The following MSRA variants were observed in gnomAD, a reference collection of about 807,000 sequenced individuals.
The protein encoded by MSRA is methionine sulfoxide reductase A.
A neutral mutation model predicts 31.3 loss-of-function variants in MSRA; 54 were observed. The ratio of observed to expected loss-of-function variants is 1.73; its 90% CI spans 1.39 to 2.17. The LOEUF is 2.17. MSRA is among the 30% of genes most tolerant of loss of function. The probability of loss-of-function intolerance (pLI) is 0.00; values close to 1 mark genes in which losing one functional copy is unlikely to be tolerated. For synonymous variants in MSRA, 169 were observed against 116.5 expected (o/e 1.45, Z -2.90); for missense variants, 507 against 300.9 (o/e 1.69, Z -5.07).
intron 5 of MSRA, among the ~76,000 whole-genome samples, chr8:10,405,778 C>T (rs993588664): frequency 3.9e-5 from 5 of 129,524 alleles, no homozygotes; most frequent in Non-Finnish European, 9.0e-5. Flanking sequence ...CACCTATGTG[C>T]TCACACATGT....
At chr8:10,230,976 G>T (rs113536795) in intron 2 of MSRA, among the ~76,000 whole-genome samples, 1 of 152,060 alleles carries the variant, frequency 6.6e-6, no homozygotes, top group Non-Finnish European at 1.5e-5. Context: ...GTAGAGATAG[G>T]GTTTCACCGT....
At chr8:10,318,332 A>C (rs1268358878) in intron 4 of MSRA, among the ~76,000 whole-genome samples, 1 of 152,170 alleles carries the variant, frequency 6.6e-6, no homozygotes, top group Admixed American at 6.5e-5. Context: ...AAATGATGGC[A>C]AAGACCTCGC....
intron 1 of MSRA, among the ~76,000 whole-genome samples, chr8:10,168,308 C>A (rs1411724706): frequency 6.6e-6 from 1 of 152,146 alleles, no homozygotes; most frequent in African/African-American, 2.4e-5. Context: ...TCCCAGTCTT[C>A]TAAACAGTAT....
At chr8:10,412,529 G>C (rs751402904) in intron 5 of MSRA, among the ~76,000 whole-genome samples, 13 of 152,134 alleles carry the variant, frequency 8.5e-5, no homozygotes, top group Non-Finnish European at 1.8e-4. Context: ...CAGAATCATG[G>C]GACAGGGGTT....
intron 1 of MSRA, among the ~76,000 whole-genome samples, chr8:10,119,568 A>G (rs1324843054): frequency 1.3e-5 from 2 of 152,224 alleles, no homozygotes; most frequent in Non-Finnish European, 2.9e-5. Context: ...TACCAAGATG[A>G]TTAAAGCACA....
In MSRA at chr8:10,328,878, CA is replaced by C. The variant is rs1326080123; in HGVS notation, c.543+8892del. Among the ~76,000 whole-genome samples the C allele has an allele frequency of 2.6e-5, 4 of 152,160 alleles. No homozygotes were observed. The East Asian group carries it at 7.7e-4, about 29-fold the overall frequency. On this transcript the variant is annotated intron_variant, in intron 5 of 5. Transcript: ENST00000317173. ...GATGGTTTTATACTTCTTTGTATTT[CA>C]AAGTTGATCCCTTCATGGACTCACT...
At chr8:10,110,759 A>G (rs1286504472) in intron 1 of MSRA, among the ~76,000 whole-genome samples, 1 of 152,114 alleles carries the variant, frequency 6.6e-6, no homozygotes, top group African/African-American at 2.4e-5. Flanking sequence ...TGGTGCTGCG[A>G]TCTTTCTATC....
Position 10,371,405 on chromosome 8 carries a change from C to G in MSRA, c.543+51416C>G, listed in dbSNP as rs568556870. Among the ~76,000 whole-genome samples, 17 of 152,232 alleles carry G rather than the reference C, an allele frequency of 1.1e-4. No homozygotes were observed. In the East Asian group the frequency reaches 2.9e-3, roughly 26 times the overall value. On this transcript the variant is annotated intron_variant, in intron 5 of 5. Transcript: ENST00000317173. The stretch of plus-strand genomic sequence containing the variant: ...GCGCCTCGTTCCGTAGCTTCCCTGA[C>G]CCCACATAGAACTCATGCAAGGTTG...
chr8:10,072,030 G>T (rs1797758422), intron 1 of MSRA, among the ~76,000 whole-genome samples: 1 of 151,776 alleles, frequency 6.6e-6, no homozygotes, highest in South Asian at 2.1e-4. Flanking sequence ...CTTTTGTACT[G>T]CAACTAAGGG....
chr8:10,275,313 G>A (rs935221973), intron 3 of MSRA, among the ~76,000 whole-genome samples: 2 of 152,162 alleles, frequency 1.3e-5, no homozygotes, highest in African/African-American at 4.8e-5. Context: ...AGCTCTCTAA[G>A]CAGAAGAGCT....
chr8:10,389,238 A>G (rs1806583281), intron 5 of MSRA, among the ~76,000 whole-genome samples: 1 of 152,162 alleles, frequency 6.6e-6, no homozygotes, highest in South Asian at 2.1e-4. Context: ...GTGACTTGAA[A>G]TAAGCTGTAG....
At chr8:10,127,149 G>C (rs1480300005) in intron 1 of MSRA, among the ~76,000 whole-genome samples, 1 of 152,154 alleles carries the variant, frequency 6.6e-6, no homozygotes, top group Non-Finnish European at 1.5e-5. Context: ...CCTCTCTGTA[G>C]GATATCTGTT....
intron 5 of MSRA, among the ~76,000 whole-genome samples, chr8:10,368,074 C>G (rs746234059): frequency 1.3e-5 from 2 of 152,066 alleles, no homozygotes; most frequent in Non-Finnish European, 2.9e-5. Context: ...AGTGTCCTGC[C>G]ACAGCAGAGC....
chr8:10,082,216 A>G lies in MSRA; in HGVS notation c.142+27558A>G, dbSNP rs1380939093. On this transcript the variant is annotated intron_variant, in intron 1 of 5. Coordinates refer to ENST00000317173, the MANE Select transcript of MSRA (RefSeq NM_012331.5). The stretch of plus-strand genomic sequence containing the variant: ...TGAAACCCTGCTGCTAAAAAATGAA[A>G]AAGCCAAACAAACGAAACAAAACAA... Among the ~76,000 whole-genome samples, 5 of 152,252 alleles carry G rather than the reference A, an allele frequency of 3.3e-5. No individual in the cohort carries two copies. The East Asian group carries it at 9.7e-4, about 30-fold the overall frequency.
At chr8:10,218,864 C>G (rs1810238809) in intron 2 of MSRA, among the ~76,000 whole-genome samples, 1 of 152,164 alleles carries the variant, frequency 6.6e-6, no homozygotes, top group Non-Finnish European at 1.5e-5. Flanking sequence ...AAAATAGAGC[C>G]ACAGTACAGA....
At chr8:10,335,394 A>G (rs1802977953) in intron 5 of MSRA, among the ~76,000 whole-genome samples, 2 of 151,670 alleles carry the variant, frequency 1.3e-5, no homozygotes, top group Non-Finnish European at 2.9e-5. Flanking sequence ...CCGTGGCTCC[A>G]AAGCCGCGAG....
chr8:10,121,347 A>G (rs936500608), intron 1 of MSRA, among the ~76,000 whole-genome samples: 1 of 152,208 alleles, frequency 6.6e-6, no homozygotes, highest in African/African-American at 2.4e-5. Context: ...CTGACCGTGC[A>G]TCCACCTGAG....
At chr8:10,422,223 C>T (rs954703454) in intron 5 of MSRA, among the ~76,000 whole-genome samples, 4 of 152,176 alleles carry the variant, frequency 2.6e-5, no homozygotes, top group African/African-American at 9.7e-5. Flanking sequence ...AAGGTAGGGC[C>T]TGCCATCAAC....
chr8:10,175,869 A>T (rs1047892070), intron 1 of MSRA, among the ~76,000 whole-genome samples: 1 of 152,152 alleles, frequency 6.6e-6, no homozygotes, highest in Non-Finnish European at 1.5e-5. Context: ...TGGCTTTATC[A>T]CTCCATCAAG....
Sources: gnomAD v4.1 joint callset for allele counts (sites outside exome capture counted in the v4.1 genomes callset) on GRCh38, gnomAD v4.1.1 for gene constraint, MANE v1.5 for transcripts, NCBI Gene and HGNC (gene_info 2026-07-23, HGNC 2026-07-21) for gene names.